Variants in MYH15 observed in about 807,000 individuals in gnomAD.
MYH15 encodes the protein myosin-15.
Under a neutral mutation model 240.5 loss-of-function variants are expected in MYH15, and 227 were observed. The ratio of observed to expected loss-of-function variants is 0.94; its 90% confidence interval spans 0.85 to 1.05. The LOEUF (loss-of-function observed/expected upper bound fraction) is 1.05. Ranked by LOEUF, MYH15 falls within the 50% of genes least tolerant of loss-of-function variation. MYH15 has a pLI of 0.00. For missense variants in MYH15, 2,217 were observed against 2,247.5 expected, an observed-to-expected ratio of 0.99 and a Z score of 0.27; for synonymous variants, 785 against 796.7, an observed-to-expected ratio of 0.99 and a Z score of 0.25.
At chr3:108,461,523 T>C (rs922142387) in intron 16 of MYH15, among the ~76,000 whole-genome samples, 1 of 152,126 alleles carries the variant, frequency 6.6e-6, no homozygotes, top group African/African-American at 2.4e-5. Flanking sequence ...GTCTTTTAGT[T>C]CCAAAGAACA....
intron 27 of MYH15, among the ~76,000 whole-genome samples, chr3:108,428,184 A>T (rs550723467): frequency 8.5e-5 from 13 of 152,348 alleles, no homozygotes; most frequent in Admixed American, 8.5e-4. Flanking sequence ...CAAGACAGAC[A>T]TAGATAGTGG....
In MYH15 at chr3:108,398,822, CCAG is replaced by C; in HGVS notation, c.4945_4947del (p.Leu1649del). On this transcript the variant is annotated inframe_deletion, in exon 35 of 41. Transcript: ENST00000693548. ...TCACTGTTCAGTTGTGTGCTGTCATCCAGCTGCATTTGAAGGTCCTGGGAGAGA... is the reference window on the plus strand; with the variant it reads ...TCACTGTTCAGTTGTGTGCTGTCATCCTGCATTTGAAGGTCCTGGGAGAGA... 1.2e-6 allele frequency: 2 copies of C among 1,614,180 alleles called. No individual in the cohort carries two copies. Among genetic ancestry groups the C allele is most frequent in the Non-Finnish European group, 1.7e-6 (2 of 1,180,028 alleles).
intron 20 of MYH15, 57 bp downstream of exon 20, chr3:108,455,679 A>G: frequency 6.3e-7 from 1 of 1,577,392 alleles, no homozygotes; most frequent in South Asian, 1.1e-5. Context: ...GTATTTTAAG[A>G]TACACAGTCT....
the MYH15 span, among the ~76,000 whole-genome samples, chr3:108,535,558 C>A: frequency 6.6e-6 from 1 of 152,086 alleles, no homozygotes. Context: ...GGAATGCAAA[C>A]ATTCAGTCTA....
rs956079444 is a variant in MYH15, at chr3:108,380,961, A to T, written c.*584T>A. The T allele has an allele frequency of 6.5e-6, 1 of 152,768 alleles. No homozygotes were observed. The highest frequency in any genetic ancestry group is 2.4e-5 in the African/African-American group (1 of 41,448). The allele number at this position is 152,768 out of a possible 1,614,324, so 9.5% of individuals were successfully genotyped here. On this transcript the variant is annotated 3_prime_UTR_variant, in exon 41 of 41. Coordinates refer to ENST00000693548, the MANE Select transcript of MYH15 (RefSeq NM_014981.3). The stretch of plus-strand genomic sequence containing the variant: ...GTGGGGTTACCTCCATGTTTAAAGC[A>T]TGTACCAGCATATAGCCTACATGTG...
At chr3:108,489,338 A>AAGAATAGTTG (rs2083329483) in intron 9 of MYH15, among the ~76,000 whole-genome samples, 2 of 152,202 alleles carry the variant, frequency 1.3e-5, no homozygotes, top group Non-Finnish European at 2.9e-5. Context: ...GAATTTATAC[A>AAGAATAGTTG]CTAGTTGAAT....
At position 108,381,563 on chromosome 3, in the gene MYH15, A is replaced by T; in HGVS notation, c.5767-4T>A. ...GGGGATGCTATTCTTCTTGAACCTGAAAAACAGAATGTCAGTGTGTTCTGT... is the reference window on the plus strand; with the variant it reads ...GGGGATGCTATTCTTCTTGAACCTGTAAAACAGAATGTCAGTGTGTTCTGT... On this transcript the variant is annotated splice_region_variant and splice_polypyrimidine_tract_variant and intron_variant, in intron 40 of 40. Coordinates refer to ENST00000693548, the MANE Select transcript of MYH15 (RefSeq NM_014981.3). 6.2e-7 allele frequency: 1 copy of T among 1,613,696 alleles called. No homozygotes were observed.
intron 26 of MYH15, 70 bp from the exon 27 acceptor site, chr3:108,428,951 T>C (rs1222617698): frequency 4.9e-6 from 7 of 1,439,068 alleles, no homozygotes; most frequent in Non-Finnish European, 6.6e-6. Flanking sequence ...TTTTTTTTAA[T>C]CACAAAGCTA....
chr3:108,478,711 T>C (rs558713983), intron 11 of MYH15, among the ~76,000 whole-genome samples: 1 of 152,272 alleles, frequency 6.6e-6, no homozygotes, highest in Admixed American at 6.5e-5. Flanking sequence ...ATTTGTTTTT[T>C]CTAAGCTTTG....
At chr3:108,532,833 G>A (rs1430042293), upstream of MYH15, among the ~76,000 whole-genome samples, 4 of 152,104 alleles carry the variant, frequency 2.6e-5, no homozygotes, top group Non-Finnish European at 5.9e-5. Flanking sequence ...TAACATCAAG[G>A]CCATGCCTAT....
chr3:108,439,680 T>A, intron 24 of MYH15, 57 bp downstream of exon 24: 1 of 1,321,408 alleles, frequency 7.6e-7, no homozygotes, highest in South Asian at 2.1e-5. Context: ...AAGTAAAAAC[T>A]GGAGTTATGT....
At chr3:108,403,501 T>C (rs1405676651) in intron 33 of MYH15, among the ~76,000 whole-genome samples, 1 of 151,530 alleles carries the variant, frequency 6.6e-6, no homozygotes, top group Non-Finnish European at 1.5e-5. Context: ...TTTGGCTTTT[T>C]TTTTTTTTTT....
In MYH15 at chr3:108,414,333, C is replaced by T. The variant is rs769189065; in HGVS notation, c.4044G>A (p.Glu1348=). 10 of 1,614,162 alleles carry T rather than the reference C, an allele frequency of 6.2e-6. No homozygotes were observed. The highest frequency in any genetic ancestry group is 7.6e-6 in the Non-Finnish European group (9 of 1,180,008). ...TGACTTTGGATAAGGTCCGGTGCAG[C>T]TCAGCCTTGACCTCTTGTTCTTCCT... The part of the protein sequence containing the change: ...QYEEEQEVKA[E]LHRTLSKVNA... Residue 1348 remains glutamate, a synonymous_variant, in exon 30 of 41, where the codon GAG becomes GAA. Transcript: ENST00000693548.
intron 22 of MYH15, 36 bp from the exon 23 acceptor site, chr3:108,441,296 G>GATAAATTACTTCCAGCTGTT: frequency 6.2e-7 from 1 of 1,609,646 alleles, no homozygotes; most frequent in African/African-American, 1.3e-5. Context: ...GCCAACAGCT[G>GATAAATTACTTCCAGCTGTT]GAAGTAATTT....
At chr3:108,469,872 G>A (rs764667283) in intron 14 of MYH15, among the ~76,000 whole-genome samples, 170 bp downstream of exon 14, 3 of 152,194 alleles carry the variant, frequency 2.0e-5, no homozygotes, top group African/African-American at 4.8e-5. Flanking sequence ...AGAGAGTTTC[G>A]TTTGGATGCC....
At chr3:108,511,956 G>A (rs2083525261), upstream of MYH15, among the ~76,000 whole-genome samples, 2 of 152,160 alleles carry the variant, frequency 1.3e-5, no homozygotes, top group South Asian at 4.1e-4. Flanking sequence ...ATTTCTGCCA[G>A]CAAATAGGCA....
intron 30 of MYH15, among the ~76,000 whole-genome samples, chr3:108,413,647 C>A (rs2082611152): frequency 6.6e-6 from 1 of 152,176 alleles, no homozygotes; most frequent in Non-Finnish European, 1.5e-5. Flanking sequence ...CTCCTAAAAA[C>A]TTTTAAAACC....
At chr3:108,518,713 G>A (rs1257222746) in intron 1 of MYH15, among the ~76,000 whole-genome samples, 3 of 152,102 alleles carry the variant, frequency 2.0e-5, no homozygotes, top group South Asian at 2.1e-4. Context: ...GACCCCTGCC[G>A]GGAACATTCA....
At chr3:108,405,736 A>G (rs1259071720) in intron 32 of MYH15, among the ~76,000 whole-genome samples, 1 of 152,198 alleles carries the variant, frequency 6.6e-6, no homozygotes, top group Non-Finnish European at 1.5e-5. Context: ...CTGTGACTAT[A>G]TTTAAACTTT....
Sources: gnomAD v4.1 joint callset for allele counts (sites outside exome capture counted in the v4.1 genomes callset) on GRCh38, gnomAD v4.1.1 for gene constraint, MANE v1.5 for transcripts, NCBI Gene and HGNC (gene_info 2026-07-23, HGNC 2026-07-21) for gene names.